Variants in CTNNA3 observed in about 807,000 individuals in gnomAD.
The protein encoded by CTNNA3 is catenin alpha-3.
In CTNNA3, 76 loss-of-function variants were observed where a neutral mutation model predicts 95.7. The ratio of observed to expected loss-of-function variants is 0.79; its 90% CI spans 0.66 to 0.96. CTNNA3 has a LOEUF of 0.96. CTNNA3 is among the 40% of genes least tolerant of loss of function. CTNNA3 has a pLI of 0.00. For missense variants in CTNNA3, 1,191 were observed against 1,089.8 expected, an observed-to-expected ratio of 1.09 and a Z score of -1.31; for synonymous variants, 431 against 374.4, an observed-to-expected ratio of 1.15 and a Z score of -1.74.
intron 7 of CTNNA3, among the ~76,000 whole-genome samples, chr10:66,858,488 T>C (rs1302759269): frequency 1.3e-5 from 2 of 152,034 alleles, no homozygotes; most frequent in Non-Finnish European, 2.9e-5. Context: ...CCCGCTTTTT[T>C]ATACATACAG....
At chr10:67,313,680 A>T (rs1464695184) in intron 5 of CTNNA3, among the ~76,000 whole-genome samples, 1 of 152,216 alleles carries the variant, frequency 6.6e-6, no homozygotes, top group South Asian at 2.1e-4. Context: ...CTACAAAAGT[A>T]TAGGTGAGAG....
chr10:66,328,333 A>G (rs551041156), intron 12 of CTNNA3, among the ~76,000 whole-genome samples: 9 of 152,032 alleles, frequency 5.9e-5, no homozygotes, highest in Non-Finnish European at 1.3e-4. Flanking sequence ...TGAGATTCAA[A>G]CCTAGGGATA....
At chr10:66,724,767 CATT>C (rs1234626017) in intron 9 of CTNNA3, among the ~76,000 whole-genome samples, 2 of 152,168 alleles carry the variant, frequency 1.3e-5, no homozygotes, top group African/African-American at 2.4e-5. Context: ...TTTGCATCAT[CATT>C]GTTTCAATAT....
intron 14 of CTNNA3, among the ~76,000 whole-genome samples, chr10:66,071,761 T>C (rs529036188): frequency 6.6e-6 from 1 of 152,156 alleles, no homozygotes; most frequent in African/African-American, 2.4e-5. Flanking sequence ...TCAAATGATA[T>C]GCAAGAACAC....
intron 7 of CTNNA3, among the ~76,000 whole-genome samples, chr10:66,806,880 C>T (rs776171462): frequency 1.3e-5 from 2 of 151,064 alleles, no homozygotes; most frequent in East Asian, 2.0e-4. Context: ...ATAGCTTCTT[C>T]GAGTTTATAG....
chr10:66,698,951 TC>T (rs1404769476), intron 9 of CTNNA3, among the ~76,000 whole-genome samples: 4 of 152,232 alleles, frequency 2.6e-5, no homozygotes, highest in Non-Finnish European at 5.9e-5. Flanking sequence ...TTCCTTTTGT[TC>T]TGAAATCAAA....
At chr10:65,938,381 A>G (rs951761652) in intron 17 of CTNNA3, among the ~76,000 whole-genome samples, 3 of 152,154 alleles carry the variant, frequency 2.0e-5, no homozygotes, top group Non-Finnish European at 4.4e-5. Flanking sequence ...CAGAATTTAA[A>G]TTCTCTCTCT....
chr10:67,540,193 T>C (rs1840629575), intron 3 of CTNNA3, among the ~76,000 whole-genome samples: 1 of 152,086 alleles, frequency 6.6e-6, no homozygotes, highest in Non-Finnish European at 1.5e-5. Flanking sequence ...TTAGAGAATA[T>C]TGTGTCCACT....
chr10:67,002,642 G>A (rs922680281), intron 7 of CTNNA3, among the ~76,000 whole-genome samples: 2 of 152,030 alleles, frequency 1.3e-5, no homozygotes, highest in African/African-American at 4.8e-5. Context: ...GGCTAGCTGG[G>A]TACTGGGCCA....
At chr10:67,531,291 A>G (rs1021561180) in intron 4 of CTNNA3, among the ~76,000 whole-genome samples, 17 of 152,178 alleles carry the variant, frequency 1.1e-4, no homozygotes, top group Admixed American at 9.2e-4. Flanking sequence ...CAGACACTCA[A>G]TGGCAACCCA....
intron 7 of CTNNA3, among the ~76,000 whole-genome samples, chr10:67,143,294 C>T (rs545640642): frequency 3.7e-4 from 56 of 151,654 alleles, no homozygotes; most frequent in Non-Finnish European, 6.8e-4. Context: ...TGGTGGCGGG[C>T]GACTGTAATC....
intron 8 of CTNNA3, among the ~76,000 whole-genome samples, chr10:66,774,699 G>T (rs1840225333): frequency 6.6e-6 from 1 of 152,116 alleles, no homozygotes; most frequent in African/African-American, 2.4e-5. Context: ...CTTTTGATGA[G>T]TTAATGATGA....
intron 5 of CTNNA3, among the ~76,000 whole-genome samples, chr10:67,252,653 T>A (rs190154563): frequency 6.6e-6 from 1 of 152,178 alleles, no homozygotes; most frequent in African/African-American, 2.4e-5. Context: ...GTGAATTACA[T>A]AGGCATTGTG....
chr10:66,528,107 C>T (rs1030058051), intron 10 of CTNNA3, among the ~76,000 whole-genome samples: 1 of 152,194 alleles, frequency 6.6e-6, no homozygotes, highest in African/African-American at 2.4e-5. Flanking sequence ...TGCCCACGCT[C>T]GCTCATAAGG....
At chr10:66,840,370 T>TCA (rs1843022361) in intron 7 of CTNNA3, among the ~76,000 whole-genome samples, 3 of 74,830 alleles carry the variant, frequency 4.0e-5, no homozygotes, top group Non-Finnish European at 4.8e-5. Context: ...TCTCTCTCTC[T>TCA]CTCACACACA....
intron 7 of CTNNA3, among the ~76,000 whole-genome samples, chr10:67,097,267 C>T (rs189666751): frequency 4.6e-5 from 7 of 152,022 alleles, no homozygotes; most frequent in Admixed American, 3.9e-4. Context: ...TCTAAAAACA[C>T]AATTATTTTC....
chr10:67,654,690 TA>T (rs1839972695), intron 1 of CTNNA3, among the ~76,000 whole-genome samples: 2 of 152,148 alleles, frequency 1.3e-5, no homozygotes, highest in African/African-American at 4.8e-5. Flanking sequence ...TTAAAATTTT[TA>T]GAATGTGTCA....
At chr10:66,253,129 T>C (rs923116136) in intron 13 of CTNNA3, among the ~76,000 whole-genome samples, 3 of 152,198 alleles carry the variant, frequency 2.0e-5, no homozygotes, top group African/African-American at 7.2e-5. Context: ...TGGATTCAAA[T>C]CAATGATACA....
At chr10:66,701,082 T>G (rs1167535403) in intron 9 of CTNNA3, among the ~76,000 whole-genome samples, 1 of 152,200 alleles carries the variant, frequency 6.6e-6, no homozygotes, top group Non-Finnish European at 1.5e-5. Context: ...ATTTTTTATA[T>G]TAATAACCAG....
Sources: allele counts gnomAD v4.1 joint callset (sites outside exome capture counted in the v4.1 genomes callset), GRCh38; gene constraint gnomAD v4.1.1; transcripts MANE v1.5; gene names NCBI Gene and HGNC (gene_info 2026-07-23, HGNC 2026-07-21).